The following ACTR3B variants were observed in gnomAD, a reference collection of about 807,000 sequenced individuals.
ACTR3B encodes actin related protein 3B.
ACTR3B carries 8 observed loss-of-function variants against 59.0 expected under a neutral mutation model. The ratio of observed to expected loss-of-function variants is 0.14; its 90% CI spans 0.08 to 0.24. ACTR3B has a LOEUF of 0.24. Among genes scored for constraint, ACTR3B ranks in the 10% least tolerant of loss-of-function variants. The probability of loss-of-function intolerance (pLI) is 1.00; values close to 1 mark genes in which losing one functional copy is unlikely to be tolerated. For missense variants in ACTR3B, 245 were observed against 552.3 expected (o/e 0.44, Z 5.58); for synonymous variants, 148 against 197.9 (o/e 0.75, Z 2.12).
chr7:152,832,921 T>C (rs144146566), intron 9 of ACTR3B, among the ~76,000 whole-genome samples: 12,278 of 152,164 alleles, frequency 0.081, 774 homozygotes, highest in African/African-American at 0.16. Context: ...AGCAACACCT[T>C]GGTTAGTGTC....
chr7:152,792,222 C>G (rs2871625), intron 2 of ACTR3B, among the ~76,000 whole-genome samples: 1 of 152,040 alleles, frequency 6.6e-6, no homozygotes, highest in Non-Finnish European at 1.5e-5. Flanking sequence ...AATCTTTCCT[C>G]GATATACATT....
At chr7:152,800,721 C>T in intron 3 of ACTR3B, 66 bp downstream of exon 3, 2 of 1,543,066 alleles carry the variant, frequency 1.3e-6, no homozygotes, top group Admixed American at 1.9e-5. Flanking sequence ...GCAAAATGGT[C>T]ATCTAGAAGT....
At chr7:152,833,910 G>A (rs188849425) in intron 9 of ACTR3B, among the ~76,000 whole-genome samples, 1 of 151,954 alleles carries the variant, frequency 6.6e-6, no homozygotes, top group East Asian at 1.9e-4. Context: ...GAATTCAGTC[G>A]ATATAGTGAA....
chr7:152,807,099 A>G (rs2098254572), intron 4 of ACTR3B, among the ~76,000 whole-genome samples: 1 of 152,130 alleles, frequency 6.6e-6, no homozygotes. Context: ...GATAAAATAC[A>G]TTAGGAAATT....
chr7:152,842,378 G>A (rs1190101973), intron 9 of ACTR3B, among the ~76,000 whole-genome samples: 3 of 152,206 alleles, frequency 2.0e-5, no homozygotes, highest in African/African-American at 7.2e-5. Context: ...TGCCCTAAGC[G>A]GGACAGAGTG....
At chr7:152,816,275 A>G (rs1795686352) in intron 5 of ACTR3B, among the ~76,000 whole-genome samples, 3 of 152,034 alleles carry the variant, frequency 2.0e-5, no homozygotes, top group Non-Finnish European at 2.9e-5. Context: ...CTTGACTCCT[A>G]TAGTTGTAAG....
chr7:152,789,053 A>AAC (rs2098185192), intron 2 of ACTR3B, among the ~76,000 whole-genome samples: 1 of 51,270 alleles, frequency 2.0e-5, no homozygotes, highest in African/African-American at 5.1e-5. Context: ...ACAACAACAA[A>AAC]CAGCAACAAC....
At chr7:152,800,786 G>A (rs1472601805) in intron 3 of ACTR3B, 131 bp downstream of exon 3, 4 of 1,206,170 alleles carry the variant, frequency 3.3e-6, no homozygotes, top group Admixed American at 5.3e-5. Flanking sequence ...TTGAATAGAG[G>A]TGGTGGTGAT....
At chr7:152,830,663 C>T (rs1563140194) in intron 9 of ACTR3B, among the ~76,000 whole-genome samples, 1 of 152,130 alleles carries the variant, frequency 6.6e-6, no homozygotes, top group Non-Finnish European at 1.5e-5. Context: ...GTCCTCCCAC[C>T]TCAGCCCCTC....
intron 4 of ACTR3B, among the ~76,000 whole-genome samples, chr7:152,805,559 A>G (rs2098249828): frequency 2.6e-5 from 4 of 152,156 alleles, no homozygotes; most frequent in Non-Finnish European, 5.9e-5. Flanking sequence ...GCTCTGTGAA[A>G]TCATTTTCCT....
intron 4 of ACTR3B, chr7:152,814,334 A>T (rs1415696874): frequency 2.1e-6 from 1 of 469,390 alleles, no homozygotes. Flanking sequence ...GGGTAATAAG[A>T]ACAGAGGCCT....
rs1463798350 is a variant in ACTR3B, at chr7:152,814,574, G to A, written c.361G>A (p.Glu121Lys). ...GACAGAACCTCCACTCAATACACCA[G>A]AAAACAGAGAGTATCTTGCAGAAAT... Reference protein sequence around the residue: ...LMTEPPLNTPENREYLAEIMF... With the variant: ...LMTEPPLNTPKNREYLAEIMF... Residue 121 changes from glutamate (E) to lysine (K), a missense_variant, in exon 5 of 12, where the codon GAA becomes AAA. By Grantham distance (56) the Glu-to-Lys change is moderately conservative. This residue lies in a region of ACTR3B where 40 missense variants were observed against 70.4 expected (regional missense o/e 0.57). Transcript: ENST00000256001. The A allele has an allele frequency of 1.9e-6, 3 of 1,613,078 alleles. No homozygotes were observed. Among genetic ancestry groups the A allele is most frequent in the Non-Finnish European group, 2.5e-6 (3 of 1,179,432 alleles).
At position 152,800,519 on chromosome 7, in the gene ACTR3B, G is replaced by T. The variant is rs548615193; in HGVS notation, c.101-12G>T. 6.8e-5 allele frequency: 109 copies of T among 1,606,436 alleles called. 1 individual carries two copies. The highest frequency in any genetic ancestry group is 2.4e-4 in the South Asian group (22 of 90,272). ...TAGTGATAGAAATCTGTGTGTGTGT[G>T]TTTTTTTTAAGGTATTGCCATCAGA... On this transcript the variant is annotated splice_polypyrimidine_tract_variant and intron_variant, in intron 2 of 11. Coordinates refer to ENST00000256001, the MANE Select transcript of ACTR3B (RefSeq NM_020445.6).
rs532144624 is a variant in ACTR3B at position 152,815,721 on chromosome 7, G to C, written c.433-760G>C. Among the ~76,000 whole-genome samples the C allele has an allele frequency of 4.6e-5, 7 of 152,164 alleles. No homozygotes were observed. In the South Asian group the frequency reaches 1.5e-3, roughly 32 times the overall value. ...CAGATATTGTCAGATGTTCCCTTTGGGGCAACATTTTCTTTGGTTGAAAAA... is the reference window on the plus strand; with the variant it reads ...CAGATATTGTCAGATGTTCCCTTTGCGGCAACATTTTCTTTGGTTGAAAAA... On this transcript the variant is annotated intron_variant, in intron 5 of 11. Coordinates refer to ENST00000256001, the MANE Select transcript of ACTR3B (RefSeq NM_020445.6).
intron 7 of ACTR3B, among the ~76,000 whole-genome samples, chr7:152,821,494 C>T (rs1195962469): frequency 1.3e-5 from 2 of 152,178 alleles, no homozygotes; most frequent in Non-Finnish European, 2.9e-5. Flanking sequence ...AAGAATTGAG[C>T]CTTTTGTTAT....
chr7:152,787,180 T>C (rs931065286), intron 2 of ACTR3B, among the ~76,000 whole-genome samples: 58 of 152,324 alleles, frequency 3.8e-4, no homozygotes, highest in Non-Finnish European at 8.2e-4. Flanking sequence ...TCATAGATTC[T>C]TGATAATTGG....
chr7:152,771,410 TA>T (rs771661499), intron 1 of ACTR3B, among the ~76,000 whole-genome samples: 21 of 152,324 alleles, frequency 1.4e-4, no homozygotes, highest in Admixed American at 5.2e-4. Context: ...AATAGAAAAC[TA>T]AAATCATTTC....
chr7:152,792,705 G>A (rs570679339), intron 2 of ACTR3B, among the ~76,000 whole-genome samples: 31 of 152,086 alleles, frequency 2.0e-4, no homozygotes, highest in African/African-American at 6.5e-4. Flanking sequence ...CTGAGATTGC[G>A]CCACTGCACT....
chr7:152,847,602 A>G (rs1798453906), intron 9 of ACTR3B, among the ~76,000 whole-genome samples: 1 of 152,144 alleles, frequency 6.6e-6, no homozygotes, highest in African/African-American at 2.4e-5. Flanking sequence ...ATATACACGG[A>G]TGAAGTAGCT....
Sources: gnomAD v4.1 joint callset for allele counts (sites outside exome capture counted in the v4.1 genomes callset) on GRCh38, gnomAD v4.1.1 for gene constraint, gnomAD v4.1.1 regional missense constraint, MANE v1.5 for transcripts, NCBI Gene and HGNC (gene_info 2026-07-23, HGNC 2026-07-21) for gene names.